Variants in SLC9A9 observed in about 807,000 individuals in gnomAD.
SLC9A9 encodes the protein sodium/hydrogen exchanger 9.
SLC9A9 carries 62 observed loss-of-function variants against 77.8 expected under a neutral mutation model. That is an observed-to-expected ratio of 0.80 (90% confidence interval 0.65 to 0.98). The LOEUF (loss-of-function observed/expected upper bound fraction) is 0.98, where lower values mean the gene tolerates loss of function less well. SLC9A9 is among the 50% of genes least tolerant of loss of function. The pLI is 0.00. For missense variants in SLC9A9, 775 were observed against 774.9 expected (o/e 1.00, Z 0.00); for synonymous variants, 320 against 283.5 (o/e 1.13, Z -1.29).
intron 5 of SLC9A9, chr3:143,655,599 A>C (rs1247294064): frequency 1.0e-6 from 1 of 985,136 alleles, no homozygotes; most frequent in Non-Finnish European, 1.2e-6. Context: ...TAGCTAGAGA[A>C]AAATTCACTT....
chr3:143,586,699 T>C (rs2037547052), intron 6 of SLC9A9, among the ~76,000 whole-genome samples: 1 of 152,248 alleles, frequency 6.6e-6, no homozygotes, highest in African/African-American at 2.4e-5. Context: ...CGGAATTCGT[T>C]CTGGCATCTC....
At chr3:143,638,730 C>T (rs1360383127) in intron 6 of SLC9A9, among the ~76,000 whole-genome samples, 1 of 152,206 alleles carries the variant, frequency 6.6e-6, no homozygotes, top group Non-Finnish European at 1.5e-5. Flanking sequence ...TCAGGCCCTG[C>T]AGTCAGGCAC....
intron 6 of SLC9A9, among the ~76,000 whole-genome samples, chr3:143,647,619 G>C (rs895434627): frequency 1.3e-5 from 2 of 152,006 alleles, no homozygotes; most frequent in African/African-American, 4.8e-5. Context: ...TATTTTTTCT[G>C]ATTGTTATTC....
At position 143,652,272 on chromosome 3, in the gene SLC9A9, C is replaced by T. The variant is rs776840373; in HGVS notation, c.738G>A (p.Val246=). 35 of 1,612,832 alleles carry T rather than the reference C, an allele frequency of 2.2e-5. No individual in the cohort carries two copies. In the Admixed American group the frequency reaches 3.5e-4, roughly 16 times the overall value. The stretch of plus-strand genomic sequence containing the variant: ...GTACTTACTATGTAAGGACTATGGC[C>T]ACTGCATCATTCAACACACTCTCTC... The part of the protein sequence containing the change: ...LFGESVLNDA[V]AIVLTYSISI... Residue 246 remains valine (V), a synonymous_variant, in exon 6 of 16, where the codon GTG becomes GTA. Coordinates refer to ENST00000316549, the MANE Select transcript of SLC9A9 (RefSeq NM_173653.4).
intron 14 of SLC9A9, among the ~76,000 whole-genome samples, chr3:143,295,095 G>A (rs1578269678): frequency 6.6e-6 from 1 of 152,184 alleles, no homozygotes; most frequent in Middle Eastern, 3.2e-3. Flanking sequence ...CCTGCCTGAT[G>A]TTTAAGATTG....
At chr3:143,536,209 T>C (rs1015409637) in intron 9 of SLC9A9, among the ~76,000 whole-genome samples, 2 of 152,156 alleles carry the variant, frequency 1.3e-5, no homozygotes, top group Admixed American at 1.3e-4. Context: ...TTTGACTCAA[T>C]AGAGATGAAA....
At chr3:143,803,847 C>A (rs1559805616) in intron 2 of SLC9A9, among the ~76,000 whole-genome samples, 1 of 152,160 alleles carries the variant, frequency 6.6e-6, no homozygotes, top group Non-Finnish European at 1.5e-5. Context: ...CTCCCTAAAC[C>A]TGAACTTCCT....
At chr3:143,738,550 A>G (rs1239167618) in intron 4 of SLC9A9, among the ~76,000 whole-genome samples, 1 of 152,132 alleles carries the variant, frequency 6.6e-6, no homozygotes, top group Non-Finnish European at 1.5e-5. Flanking sequence ...CCAATCCTCC[A>G]GTTCTCTGAA....
At chr3:143,296,295 T>C (rs913225413) in intron 14 of SLC9A9, among the ~76,000 whole-genome samples, 1 of 152,246 alleles carries the variant, frequency 6.6e-6, no homozygotes, top group African/African-American at 2.4e-5. Context: ...GGATACCTCA[T>C]GTAAGTGGAA....
intron 11 of SLC9A9, among the ~76,000 whole-genome samples, chr3:143,486,223 G>A (rs1370856976): frequency 6.6e-6 from 1 of 152,166 alleles, no homozygotes; most frequent in African/African-American, 2.4e-5. Context: ...CTTCAAAAGT[G>A]AGGGAGAAAT....
intron 13 of SLC9A9, among the ~76,000 whole-genome samples, chr3:143,375,328 T>C (rs1477621821): frequency 6.6e-6 from 1 of 152,224 alleles, no homozygotes; most frequent in Non-Finnish European, 1.5e-5. Flanking sequence ...GCCTTTTCCA[T>C]GTAAATCTGC....
intron 1 of SLC9A9, among the ~76,000 whole-genome samples, chr3:143,846,958 T>A (rs1046870224): frequency 2.6e-5 from 4 of 152,076 alleles, no homozygotes; most frequent in Non-Finnish European, 5.9e-5. Context: ...ACCAAGGAAT[T>A]TAACTCTGTG....
chr3:143,456,905 A>G (rs2035103818), intron 12 of SLC9A9, among the ~76,000 whole-genome samples: 1 of 152,060 alleles, frequency 6.6e-6, no homozygotes. Flanking sequence ...CAGTTTATAT[A>G]TTTCTTCTTG....
At chr3:143,558,075 C>T (rs2037018453) in intron 8 of SLC9A9, among the ~76,000 whole-genome samples, 1 of 152,202 alleles carries the variant, frequency 6.6e-6, no homozygotes, top group African/African-American at 2.4e-5. Context: ...TGTGCAGCCT[C>T]AGGACATGGT....
At chr3:143,349,867 T>C (rs531557429) in intron 14 of SLC9A9, among the ~76,000 whole-genome samples, 1 of 152,312 alleles carries the variant, frequency 6.6e-6, no homozygotes, top group African/African-American at 2.4e-5. Context: ...AGGATATTAA[T>C]TGTAGAGCAT....
intron 2 of SLC9A9, among the ~76,000 whole-genome samples, chr3:143,815,901 A>G (rs2009002949): frequency 6.6e-6 from 1 of 152,088 alleles, no homozygotes; most frequent in Non-Finnish European, 1.5e-5. Flanking sequence ...AAACAACAAA[A>G]CAAAAACCTG....
At chr3:143,363,742 T>G (rs2032821275) in intron 13 of SLC9A9, among the ~76,000 whole-genome samples, 179 bp from the exon 14 acceptor site, 1 of 152,218 alleles carries the variant, frequency 6.6e-6, no homozygotes, top group Non-Finnish European at 1.5e-5. Flanking sequence ...TCTTGCTATG[T>G]GGATGAGACC....
At chr3:143,448,256 G>A (rs1005365292) in intron 12 of SLC9A9, among the ~76,000 whole-genome samples, 3 of 152,120 alleles carry the variant, frequency 2.0e-5, no homozygotes, top group African/African-American at 7.2e-5. Flanking sequence ...CTCTAGCTAT[G>A]GCTCCAAGAA....
chr3:143,694,183 C>T (rs1244399634), intron 4 of SLC9A9, among the ~76,000 whole-genome samples: 1 of 151,952 alleles, frequency 6.6e-6, no homozygotes, highest in Non-Finnish European at 1.5e-5. Flanking sequence ...AGTTAGTTCT[C>T]AGGTTTTGGG....
Sources: allele counts gnomAD v4.1 joint callset (sites outside exome capture counted in the v4.1 genomes callset), GRCh38; gene constraint gnomAD v4.1.1; transcripts MANE v1.5; gene names NCBI Gene and HGNC (gene_info 2026-07-23, HGNC 2026-07-21).